Variants in SLIT2 observed in about 807,000 individuals in gnomAD.
The protein encoded by SLIT2 is slit guidance ligand 2, also known as slit homolog 2 protein.
SLIT2 carries 41 observed loss-of-function variants against 185.7 expected under a neutral mutation model. That is an observed-to-expected ratio of 0.22 (90% CI 0.17 to 0.29). The LOEUF (loss-of-function observed/expected upper bound fraction) is 0.29. SLIT2 is among the 10% of genes least tolerant of loss of function. The probability of loss-of-function intolerance (pLI) is 1.00; values close to 1 mark genes in which losing one functional copy is unlikely to be tolerated. For synonymous variants in SLIT2, 693 were observed against 680.2 expected, an observed-to-expected ratio of 1.02 and a Z score of -0.29; for missense variants, 1,571 against 1,909.0, an observed-to-expected ratio of 0.82 and a Z score of 3.30.
intron 36 of SLIT2, among the ~76,000 whole-genome samples, chr4:20,617,991 C>A (rs1363522856): frequency 6.6e-6 from 1 of 152,134 alleles, no homozygotes; most frequent in Non-Finnish European, 1.5e-5. Flanking sequence ...TCCTGTCTTA[C>A]CTTTACCGGC....
chr4:20,407,858 C>G (rs16869577), intron 4 of SLIT2, among the ~76,000 whole-genome samples: 11,537 of 152,136 alleles, frequency 0.076, 591 homozygotes, highest in South Asian at 0.17. Flanking sequence ...GGAGGAAAGC[C>G]AAGGACCAAA....
At chr4:20,338,840 CCA>C (rs1720725048) in intron 4 of SLIT2, among the ~76,000 whole-genome samples, 2 of 151,964 alleles carry the variant, frequency 1.3e-5, no homozygotes, top group South Asian at 4.1e-4. Context: ...AGGAATCCCA[CCA>C]CTTTGGGAGG....
At chr4:20,479,242 T>C (rs1038278968) in intron 5 of SLIT2, among the ~76,000 whole-genome samples, 1 of 152,182 alleles carries the variant, frequency 6.6e-6, no homozygotes, top group Non-Finnish European at 1.5e-5. Flanking sequence ...ACATTGTCTA[T>C]ATACATAATT....
intron 34 of SLIT2, among the ~76,000 whole-genome samples, chr4:20,611,742 C>T (rs1332819369): frequency 6.6e-6 from 1 of 152,190 alleles, no homozygotes; most frequent in African/African-American, 2.4e-5. Flanking sequence ...CACAGTGCTC[C>T]TTTTATAGCC....
intron 4 of SLIT2, among the ~76,000 whole-genome samples, chr4:20,284,812 T>C (rs540619444): frequency 6.6e-6 from 1 of 152,234 alleles, no homozygotes; most frequent in Non-Finnish European, 1.5e-5. Context: ...TTTGTTTTGC[T>C]TAATTTGCAA....
intron 4 of SLIT2, among the ~76,000 whole-genome samples, chr4:20,409,627 G>A (rs1247632317): frequency 6.6e-6 from 1 of 152,092 alleles, no homozygotes; most frequent in African/African-American, 2.4e-5. Flanking sequence ...TCTGCCTCTA[G>A]GTTTTTGAGG....
intron 4 of SLIT2, among the ~76,000 whole-genome samples, chr4:20,351,871 TTG>T (rs1482167658): frequency 6.6e-6 from 1 of 152,192 alleles, no homozygotes; most frequent in African/African-American, 2.4e-5. Flanking sequence ...ACAATGCAGT[TTG>T]TGTTTTGATG....
Position 20,596,669 on chromosome 4 carries a change from C to G in SLIT2, c.3561+14C>G. ...ATAACACTTCAGGTAAGAGATCTCT[C>G]TCTATGGAGAGATGATCGGATCTTA... On this transcript the variant is annotated intron_variant, in intron 32 of 36. Coordinates refer to ENST00000504154, the MANE Select transcript of SLIT2 (RefSeq NM_004787.4). The G allele has an allele frequency of 6.2e-7, 1 of 1,606,386 alleles. No individual in the cohort carries two copies. Among genetic ancestry groups the G allele is most frequent in the Non-Finnish European group, 8.5e-7 (1 of 1,178,104 alleles).
chr4:20,524,774 T>G (rs1009418356), intron 14 of SLIT2, among the ~76,000 whole-genome samples: 3 of 147,940 alleles, frequency 2.0e-5, no homozygotes, highest in Non-Finnish European at 4.6e-5. Flanking sequence ...TAAATATGAA[T>G]GCATTGTATT....
chr4:20,363,251 A>T (rs922662264), intron 4 of SLIT2, among the ~76,000 whole-genome samples: 2 of 152,186 alleles, frequency 1.3e-5, no homozygotes, highest in East Asian at 1.9e-4. Context: ...TGTGTGATAC[A>T]TAACATGTAC....
At position 20,539,245 on chromosome 4, in the gene SLIT2, C is replaced by T. The variant is rs552737390; in HGVS notation, c.1833-196C>T. On this transcript the variant is annotated intron_variant, in intron 18 of 36. Coordinates refer to ENST00000504154, the MANE Select transcript of SLIT2 (RefSeq NM_004787.4). ...CGTGCCTTTTGTAACTGAGATTAAT[C>T]ATTGGCAACTCAAAGCATTTTATTC... Among the ~76,000 whole-genome samples, 14 of 152,306 alleles carry T rather than the reference C, an allele frequency of 9.2e-5. No homozygotes were observed. In the South Asian group the frequency reaches 2.5e-3, roughly 27 times the overall value.
At chr4:20,497,714 A>T (rs964832337) in intron 9 of SLIT2, among the ~76,000 whole-genome samples, 2 of 152,134 alleles carry the variant, frequency 1.3e-5, no homozygotes, top group Non-Finnish European at 2.9e-5. Context: ...TCTCCTATTA[A>T]ACTGCAGACT....
intron 4 of SLIT2, among the ~76,000 whole-genome samples, chr4:20,402,520 G>A (rs1382119412): frequency 6.6e-6 from 1 of 151,808 alleles, no homozygotes; most frequent in East Asian, 1.9e-4. Context: ...ATTTAACTGA[G>A]TATATTACCT....
At chr4:20,363,480 A>C (rs967329260) in intron 4 of SLIT2, among the ~76,000 whole-genome samples, 10 of 152,152 alleles carry the variant, frequency 6.6e-5, no homozygotes, top group African/African-American at 2.4e-4. Context: ...TGGTAATGTA[A>C]AAGTAGGACC....
At chr4:20,355,285 T>G (rs1560347245) in intron 4 of SLIT2, among the ~76,000 whole-genome samples, 1 of 152,186 alleles carries the variant, frequency 6.6e-6, no homozygotes, top group African/African-American at 2.4e-5. Context: ...TGGCCATGGC[T>G]TGCAAATTGA....
chr4:20,472,246 C>CTATATATCTA (rs1715142640), intron 5 of SLIT2, among the ~76,000 whole-genome samples: 2 of 39,666 alleles, frequency 5.0e-5, no homozygotes, highest in South Asian at 1.2e-3. Context: ...ATCTATATAT[C>CTATATATCTA]TATATATAGA....
chr4:20,357,902 A>G (rs1179320142), intron 4 of SLIT2, among the ~76,000 whole-genome samples: 1 of 152,138 alleles, frequency 6.6e-6, no homozygotes, highest in Non-Finnish European at 1.5e-5. Context: ...TTTAAAGTTT[A>G]TTAATAACAT....
In SLIT2 at chr4:20,523,893, A is replaced by G; in HGVS notation, c.1264A>G (p.Ile422Val). Residue 422 changes from isoleucine (I) to valine (V), a missense_variant, in exon 13 of 37, where the codon ATT becomes GTT. This residue lies in a region of SLIT2 where 1,202 missense variants were observed against 1,416.4 expected (regional missense o/e 0.85). Coordinates refer to ENST00000504154, the MANE Select transcript of SLIT2 (RefSeq NM_004787.4). ...GGGGACCTTTTCACCTCTTCGGGCC[A>G]TTCAAACTATGTATGTATAAGTGAT... ...AKGTFSPLRA[I>V]QTMHLAQNPF... is the part of the protein sequence containing the mutation. The G allele has an allele frequency of 1.2e-6, 2 of 1,614,128 alleles. No homozygotes were observed. Among genetic ancestry groups the G allele is most frequent in the African/African-American group, 1.3e-5 (1 of 75,042 alleles).
chr4:20,586,765 G>C (rs1055566846), intron 29 of SLIT2, among the ~76,000 whole-genome samples: 1 of 152,146 alleles, frequency 6.6e-6, no homozygotes, highest in African/African-American at 2.4e-5. Context: ...AAAAGATCTG[G>C]CATGATTCCA....
Sources: allele counts gnomAD v4.1 joint callset (sites outside exome capture counted in the v4.1 genomes callset), GRCh38; gene constraint gnomAD v4.1.1; regional missense constraint gnomAD v4.1.1; transcripts MANE v1.5; gene names NCBI Gene and HGNC (gene_info 2026-07-23, HGNC 2026-07-21).